Variants in CAMK2D observed in about 807,000 individuals in gnomAD.
CAMK2D encodes calcium/calmodulin-dependent protein kinase type II subunit delta.
CAMK2D carries 37 observed loss-of-function variants against 84.0 expected under a neutral mutation model. That is an observed-to-expected ratio of 0.44 (90% CI 0.34 to 0.58). The LOEUF is 0.58. CAMK2D is among the 20% of genes least tolerant of loss of function. The probability of loss-of-function intolerance (pLI) is 0.02; values close to 1 mark genes in which losing one functional copy is unlikely to be tolerated. For missense variants in CAMK2D, 448 were observed against 652.5 expected, an observed-to-expected ratio of 0.69 and a Z score of 3.41; for synonymous variants, 202 against 212.5, an observed-to-expected ratio of 0.95 and a Z score of 0.43.
intron 2 of CAMK2D, among the ~76,000 whole-genome samples, chr4:113,674,385 C>CT (rs2154329024): frequency 6.6e-6 from 1 of 152,278 alleles, no homozygotes; most frequent in East Asian, 1.9e-4. Flanking sequence ...CCAGAATGCT[C>CT]TGTCTCAGGT....
intron 16 of CAMK2D, among the ~76,000 whole-genome samples, chr4:113,471,047 T>C (rs929965478): frequency 2.0e-5 from 3 of 152,242 alleles, no homozygotes; most frequent in African/African-American, 7.2e-5. Flanking sequence ...GTATGTCTTA[T>C]CGTTTATTGA....
chr4:113,622,728 C>T (rs368524651), intron 3 of CAMK2D, among the ~76,000 whole-genome samples: 21 of 152,126 alleles, frequency 1.4e-4, no homozygotes, highest in East Asian at 1.3e-3. Context: ...TGCACCACTG[C>T]GCTCCAACCT....
At chr4:113,562,446 A>C (rs1445918114) in intron 4 of CAMK2D, among the ~76,000 whole-genome samples, 1 of 152,214 alleles carries the variant, frequency 6.6e-6, no homozygotes, top group African/African-American at 2.4e-5. Context: ...TCACTTATTC[A>C]TGTATTTGTG....
intron 3 of CAMK2D, among the ~76,000 whole-genome samples, chr4:113,651,374 C>A (rs11935548): frequency 6.6e-5 from 10 of 152,036 alleles, no homozygotes; most frequent in African/African-American, 2.4e-4. Context: ...AAACAAATTC[C>A]TGTGTTCAAA....
chr4:113,671,827 G>C lies in CAMK2D; in HGVS notation c.161-10055C>G, dbSNP rs573728991. 2.0e-5 allele frequency among the ~76,000 whole-genome samples: 3 copies of C among 152,290 alleles called. No individual in the cohort carries two copies. In the East Asian group the frequency reaches 5.8e-4, roughly 29 times the overall value. ...TCACCCTACAAGTGTGTGAACAAAG[G>C]AGGAGGAAAAATGTTTTTGTTATTT... is the stretch of plus-strand genomic sequence containing the variant. On this transcript the variant is annotated intron_variant, in intron 2 of 20. Transcript: ENST00000511664.
intron 5 of CAMK2D, among the ~76,000 whole-genome samples, chr4:113,549,248 G>A (rs913413842): frequency 2.6e-5 from 4 of 152,168 alleles, no homozygotes; most frequent in Admixed American, 1.3e-4. Flanking sequence ...CCTTAGAAGC[G>A]TTGCTTTTTG....
In CAMK2D at chr4:113,531,272, G is replaced by C. The variant is rs1460777755; in HGVS notation, c.545C>G (p.Ser182Cys). 1 of 1,601,290 alleles carries C rather than the reference G, an allele frequency of 6.2e-7. No individual in the cohort carries two copies. Among genetic ancestry groups the C allele is most frequent in the Non-Finnish European group, 8.6e-7 (1 of 1,168,572 alleles). The change falls in exon 8 of 21, where the codon TCT (serine) becomes TGT (cysteine). Residue 182 changes from serine (S) to cysteine (C), a missense_variant. Ser to Cys is a moderately radical substitution (Grantham distance 112). Around this residue, in one of 7 missense-constraint regions of CAMK2D, gnomAD observed 69 missense variants for 175.6 expected, o/e 0.39. Coordinates refer to ENST00000511664, the MANE Select transcript of CAMK2D (RefSeq NM_001321571.2). ...FGFAGTPGYLSPEVLRKDPYG... is the reference protein window; with the variant it reads ...FGFAGTPGYLCPEVLRKDPYG... ...AGGATCTTTACGTAAAACTTCTGGA[G>C]AAAGATATCCAGGTGTGCCAGCAAA... is the stretch of plus-strand genomic sequence containing the variant.
chr4:113,589,886 C>T (rs931330018), intron 4 of CAMK2D, among the ~76,000 whole-genome samples: 1 of 152,038 alleles, frequency 6.6e-6, no homozygotes, highest in Non-Finnish European at 1.5e-5. Context: ...AGCCCTTGTA[C>T]TCCTACGTTT....
intron 3 of CAMK2D, among the ~76,000 whole-genome samples, chr4:113,617,801 A>G (rs1392022975): frequency 6.6e-6 from 1 of 151,976 alleles, no homozygotes; most frequent in Non-Finnish European, 1.5e-5. Context: ...TCCTGGCTAG[A>G]AGAAACAATT....
At chr4:113,757,607 A>T (rs1397865507) in intron 2 of CAMK2D, among the ~76,000 whole-genome samples, 2 of 152,156 alleles carry the variant, frequency 1.3e-5, no homozygotes, top group Non-Finnish European at 2.9e-5. Flanking sequence ...AATGTCTCCT[A>T]ACTCTTCACC....
At chr4:113,486,855 A>G (rs939953606) in intron 16 of CAMK2D, among the ~76,000 whole-genome samples, 35 of 152,220 alleles carry the variant, frequency 2.3e-4, no homozygotes, top group African/African-American at 7.5e-4. Context: ...TACAGTCCCT[A>G]TAATCCACTC....
At position 113,453,974 on chromosome 4, in the gene CAMK2D, T is replaced by G. The variant is rs903249217; in HGVS notation, c.*571A>C. The G allele has an allele frequency of 2.0e-5, 3 of 152,488 alleles. No individual in the cohort carries two copies. The highest frequency in any genetic ancestry group is 4.4e-5 in the Non-Finnish European group (3 of 68,008). The allele number at this position is 152,488 out of a possible 1,614,324, so 9.4% of individuals were successfully genotyped here. A position where few individuals can be genotyped will look rare whatever the true frequency, so the allele number is the denominator to read the frequency against. ...CTTGCTTCTACTTTCATAAGTGATTTTGCCCACATATCATCCCACTTTAAT... is the reference window on the plus strand; with the variant it reads ...CTTGCTTCTACTTTCATAAGTGATTGTGCCCACATATCATCCCACTTTAAT... On this transcript the variant is annotated 3_prime_UTR_variant, in exon 21 of 21. Transcript: ENST00000511664.
At chr4:113,702,078 C>A (rs578069134) in intron 2 of CAMK2D, among the ~76,000 whole-genome samples, 1 of 152,288 alleles carries the variant, frequency 6.6e-6, no homozygotes, top group East Asian at 1.9e-4. Context: ...ATTGTTCCAT[C>A]CTTCAAGATC....
chr4:113,567,868 T>C (rs1051376367), intron 4 of CAMK2D, among the ~76,000 whole-genome samples: 2 of 152,186 alleles, frequency 1.3e-5, no homozygotes, highest in Admixed American at 1.3e-4. Flanking sequence ...AAACATTAGT[T>C]ATAATTATTA....
intron 8 of CAMK2D, among the ~76,000 whole-genome samples, chr4:113,526,013 G>A (rs2098414537): frequency 6.6e-6 from 1 of 152,148 alleles, no homozygotes; most frequent in African/African-American, 2.4e-5. Context: ...GTGAATTAAT[G>A]TCACTTTCAT....
chr4:113,471,952 C>G (rs1447319618), intron 16 of CAMK2D, among the ~76,000 whole-genome samples: 2 of 152,190 alleles, frequency 1.3e-5, no homozygotes, highest in Non-Finnish European at 2.9e-5. Flanking sequence ...AAGGGGCTCA[C>G]CTTTCCTCAG....
chr4:113,759,756 G>A (rs2099636481), intron 1 of CAMK2D, among the ~76,000 whole-genome samples: 1 of 152,032 alleles, frequency 6.6e-6, no homozygotes, highest in African/African-American at 2.4e-5. Context: ...AGCAGACGAG[G>A]AGCAGCAAAA....
intron 6 of CAMK2D, among the ~76,000 whole-genome samples, chr4:113,542,697 A>T (rs2098538748): frequency 6.7e-6 from 1 of 150,260 alleles, no homozygotes; most frequent in African/African-American, 2.5e-5. Context: ...CCTGGGCAAC[A>T]GAGCGAGATT....
At chr4:113,630,574 C>T (rs539360382) in intron 3 of CAMK2D, among the ~76,000 whole-genome samples, 2 of 152,208 alleles carry the variant, frequency 1.3e-5, no homozygotes, top group East Asian at 1.9e-4. Flanking sequence ...AAACAGCTGC[C>T]GCTACATCTG....
Sources: gnomAD v4.1 joint callset for allele counts (sites outside exome capture counted in the v4.1 genomes callset) on GRCh38, gnomAD v4.1.1 for gene constraint, gnomAD v4.1.1 regional missense constraint, MANE v1.5 for transcripts, NCBI Gene and HGNC (gene_info 2026-07-23, HGNC 2026-07-21) for gene names.